Variants in LINGO2 observed in about 807,000 individuals in gnomAD.
LINGO2 encodes leucine-rich repeat and immunoglobulin-like domain-containing nogo receptor-interacting protein 2.
In LINGO2, 14 loss-of-function variants were observed where a neutral mutation model predicts 30.6. That is an observed-to-expected ratio of 0.46 (90% CI 0.30 to 0.72). The LOEUF is 0.72. LINGO2 is among the 30% of genes least tolerant of loss of function. The pLI is 0.07. For synonymous variants in LINGO2, 317 were observed against 288.5 expected (o/e 1.10, Z -1.00); for missense variants, 729 against 751.7 (o/e 0.97, Z 0.35).
At chr9:28,104,900 C>T (rs914691308) in intron 4 of LINGO2, among the ~76,000 whole-genome samples, 4 of 150,958 alleles carry the variant, frequency 2.6e-5, no homozygotes, top group Non-Finnish European at 5.9e-5. Context: ...CGGCCCCCAC[C>T]GACCCACACA....
chr9:28,834,798 T>C, the LINGO2 span, among the ~76,000 whole-genome samples: 1 of 152,144 alleles, frequency 6.6e-6, no homozygotes, highest in Non-Finnish European at 1.5e-5. Flanking sequence ...TTTATTTAAT[T>C]TTTTGGTAAT....
the LINGO2 span, among the ~76,000 whole-genome samples, chr9:28,697,274 T>C: frequency 6.6e-6 from 1 of 152,070 alleles, no homozygotes; most frequent in South Asian, 2.1e-4. Context: ...CTAGACCTGC[T>C]TCCTATTTAT....
At chr9:28,575,257 G>A (rs1021222811) in intron 1 of LINGO2, among the ~76,000 whole-genome samples, 7 of 152,044 alleles carry the variant, frequency 4.6e-5, no homozygotes, top group African/African-American at 1.7e-4. Flanking sequence ...AAATTAGCCT[G>A]CGCAGTGGCG....
intron 4 of LINGO2, among the ~76,000 whole-genome samples, chr9:28,084,732 T>G (rs774951887): frequency 6.6e-6 from 1 of 152,152 alleles, no homozygotes; most frequent in Non-Finnish European, 1.5e-5. Context: ...TAGTTTTCAT[T>G]AGTTGTGTCA....
chr9:29,039,093 C>T, the LINGO2 span, among the ~76,000 whole-genome samples: 11 of 152,074 alleles, frequency 7.2e-5, no homozygotes, highest in Non-Finnish European at 1.2e-4. Flanking sequence ...GTACAACCAG[C>T]GGCAAATTCA....
chr9:28,276,830 T>C (rs1020391220), intron 4 of LINGO2, among the ~76,000 whole-genome samples: 7 of 152,230 alleles, frequency 4.6e-5, no homozygotes, highest in African/African-American at 1.7e-4. Flanking sequence ...ACTCTTTATG[T>C]CTAATACCTT....
chr9:28,614,566 G>C (rs1184864668), intron 1 of LINGO2, among the ~76,000 whole-genome samples: 2 of 152,082 alleles, frequency 1.3e-5, no homozygotes, highest in Non-Finnish European at 2.9e-5. Context: ...TAGTGTGAGA[G>C]ATAACTTCTA....
intron 2 of LINGO2, among the ~76,000 whole-genome samples, chr9:28,469,020 T>C (rs1163223257): frequency 6.6e-6 from 1 of 152,102 alleles, no homozygotes; most frequent in East Asian, 1.9e-4. Context: ...GTCTTAAATA[T>C]GCTCTAAGAG....
At chr9:28,632,699 T>G (rs1311694411) in intron 1 of LINGO2, among the ~76,000 whole-genome samples, 1 of 138,140 alleles carries the variant, frequency 7.2e-6, no homozygotes, top group Non-Finnish European at 1.5e-5. Flanking sequence ...TTTATATAGA[T>G]CTATATATTT....
intron 1 of LINGO2, among the ~76,000 whole-genome samples, chr9:28,652,005 A>C (rs1309153333): frequency 1.3e-5 from 2 of 152,164 alleles, no homozygotes; most frequent in African/African-American, 4.8e-5. Flanking sequence ...GTAGCCCTCA[A>C]TTTGATTTTT....
At chr9:28,707,044 T>C in the LINGO2 span, among the ~76,000 whole-genome samples, 10 of 152,142 alleles carry the variant, frequency 6.6e-5, no homozygotes, top group Admixed American at 1.3e-4. Context: ...TCTTTCAAAA[T>C]ATTTATATTG....
At chr9:28,791,704 A>G in the LINGO2 span, among the ~76,000 whole-genome samples, 35 of 152,108 alleles carry the variant, frequency 2.3e-4, no homozygotes, top group African/African-American at 7.9e-4. Context: ...AGACTGCTTC[A>G]ATTTCTAAAT....
intron 1 of LINGO2, among the ~76,000 whole-genome samples, chr9:28,525,655 G>A (rs1248534678): frequency 6.6e-6 from 1 of 152,114 alleles, no homozygotes; most frequent in Non-Finnish European, 1.5e-5. Context: ...TGTCTAAGTG[G>A]GAGTGTATGT....
chr9:29,161,956 G>A, the LINGO2 span, among the ~76,000 whole-genome samples: 4 of 145,844 alleles, frequency 2.7e-5, no homozygotes, highest in Non-Finnish European at 6.0e-5. Flanking sequence ...GTCTTGCTCT[G>A]TTGCCCAGGT....
At chr9:28,144,713 C>T (rs1362773385) in intron 4 of LINGO2, among the ~76,000 whole-genome samples, 1 of 152,134 alleles carries the variant, frequency 6.6e-6, no homozygotes, top group Non-Finnish European at 1.5e-5. Context: ...CAACAAGAGA[C>T]AATGACAACA....
chr9:29,031,833 A>G, the LINGO2 span, among the ~76,000 whole-genome samples: 1 of 152,262 alleles, frequency 6.6e-6, no homozygotes, highest in East Asian at 1.9e-4. Flanking sequence ...TTTCTTTAGC[A>G]TCTTTGGGAT....
At chr9:28,667,102 A>G (rs1001808475) in intron 1 of LINGO2, among the ~76,000 whole-genome samples, 1 of 152,170 alleles carries the variant, frequency 6.6e-6, no homozygotes, top group African/African-American at 2.4e-5. Flanking sequence ...TGGTTGACAA[A>G]TGCATGCTCC....
chr9:28,691,046 A>AT, the LINGO2 span, among the ~76,000 whole-genome samples: 5 of 152,172 alleles, frequency 3.3e-5, no homozygotes. Context: ...CCAGCTCAAC[A>AT]TCTGCTACAC....
At chr9:28,173,549 G>C (rs938450007) in intron 4 of LINGO2, among the ~76,000 whole-genome samples, 1 of 152,146 alleles carries the variant, frequency 6.6e-6, no homozygotes, top group African/African-American at 2.4e-5. Context: ...CCAGGAAAAG[G>C]AGAAAGTGCA....
Sources: allele counts gnomAD v4.1 joint callset (sites outside exome capture counted in the v4.1 genomes callset), GRCh38; gene constraint gnomAD v4.1.1; transcripts MANE v1.5; gene names NCBI Gene and HGNC (gene_info 2026-07-23, HGNC 2026-07-21).